CEP126: variants seen among roughly 807,000 people sequenced by gnomAD.
CEP126 encodes the protein centrosomal protein of 126 kDa.
A neutral mutation model predicts 107.8 loss-of-function variants in CEP126; 74 were observed. That is an observed-to-expected ratio of 0.69 (90% CI 0.57 to 0.83). The LOEUF (loss-of-function observed/expected upper bound fraction) is 0.83, where lower values mean the gene tolerates loss of function less well. CEP126 is among the 40% of genes least tolerant of loss of function. CEP126 has a pLI of 0.00. For missense variants in CEP126, 1,237 were observed against 1,281.9 expected, an observed-to-expected ratio of 0.96 and a Z score of 0.53; for synonymous variants, 449 against 446.0, an observed-to-expected ratio of 1.01 and a Z score of -0.08.
At chr11:101,932,420 C>T (rs1382269767) in intron 2 of CEP126, among the ~76,000 whole-genome samples, 1 of 152,050 alleles carries the variant, frequency 6.6e-6, no homozygotes, top group Non-Finnish European at 1.5e-5. Flanking sequence ...CATTTTAGCC[C>T]AGAAAACCTG....
At position 101,981,909 on chromosome 11, in the gene CEP126, G is replaced by A. The variant is rs769986818; in HGVS notation, c.2979G>A (p.Leu993=). Residue 993 remains leucine (L), a synonymous_variant, in exon 8 of 11, where the codon CTG becomes CTA. Coordinates refer to ENST00000263468, the MANE Select transcript of CEP126 (RefSeq NM_020802.4). ...EQINNFGQSV[L]LSSSEPKQTT... is the part of the protein sequence containing the mutation. ...TGTAGAATTTTGGACAAAGTGTCCT[G>A]CTAAGTTCAAGTGAGCCAAAACAAA... The A allele has an allele frequency of 2.5e-6, 4 of 1,588,478 alleles. No individual in the cohort carries two copies. The South Asian group carries it at 4.6e-5, about 18-fold the overall frequency.
At chr11:101,933,923 T>C (rs1203773234) in intron 2 of CEP126, among the ~76,000 whole-genome samples, 1 of 151,956 alleles carries the variant, frequency 6.6e-6, no homozygotes, top group Non-Finnish European at 1.5e-5. Context: ...GAAGTAATTT[T>C]TTCGGTATGT....
chr11:101,945,538 AAACT>A (rs1940722825), intron 3 of CEP126, among the ~76,000 whole-genome samples: 1 of 152,198 alleles, frequency 6.6e-6, no homozygotes, highest in African/African-American at 2.4e-5. Context: ...GCAGCTAGTA[AAACT>A]GCGCTAAATA....
chr11:101,956,039 G>C, intron 4 of CEP126: 1 of 456,404 alleles, frequency 2.2e-6, no homozygotes, highest in South Asian at 1.5e-5. Flanking sequence ...TCCAACCCCG[G>C]CTACTTCCAG....
At position 101,986,878 on chromosome 11, in the gene CEP126, A is replaced by C; in HGVS notation, c.3081A>C (p.Lys1027Asn). Residue 1027 changes from lysine (K) to asparagine (N), a missense_variant, in exon 9 of 11, where the codon AAA becomes AAC. Lys to Asn is a moderately conservative substitution (Grantham distance 94). This residue lies in a region of CEP126 where 99 missense variants were observed against 114.4 expected (regional missense o/e 0.87). Transcript: ENST00000263468. ...SEFLMAENLV[K>N]ASVPEDEILT... The stretch of plus-strand genomic sequence containing the variant: ...TTTTGATGGCTGAAAACTTAGTGAA[A>C]GCATCAGTGCCGGAGGATGAGATTC... 1 of 1,613,908 alleles carries C rather than the reference A, an allele frequency of 6.2e-7. No homozygotes were observed. Among genetic ancestry groups the C allele is most frequent in the Non-Finnish European group, 8.5e-7 (1 of 1,179,874 alleles).
chr11:101,982,780 C>T (rs960882468), intron 8 of CEP126, among the ~76,000 whole-genome samples: 1 of 152,028 alleles, frequency 6.6e-6, no homozygotes, highest in Non-Finnish European at 1.5e-5. Context: ...ATCCCTAATC[C>T]AAATATTTCA....
At chr11:101,961,286 T>C (rs143523739) in intron 5 of CEP126, among the ~76,000 whole-genome samples, 56 of 152,190 alleles carry the variant, frequency 3.7e-4, no homozygotes, top group African/African-American at 1.3e-3. Context: ...TAAAAAGATG[T>C]AGCCCCTACT....
At chr11:101,976,714 G>T (rs1241817986) in intron 6 of CEP126, among the ~76,000 whole-genome samples, 7 of 152,098 alleles carry the variant, frequency 4.6e-5, no homozygotes, top group African/African-American at 1.7e-4. Flanking sequence ...GACTCAAAGT[G>T]CCCTTTTATT....
chr11:101,948,106 A>T lies in CEP126; in HGVS notation c.470A>T (p.Asn157Ile). The change falls in exon 4 of 11, where the codon AAC (asparagine) becomes ATC (isoleucine). Residue 157 changes from asparagine (N) to isoleucine (I), a missense_variant. Asn to Ile is a moderately radical substitution (Grantham distance 149, BLOSUM62 -3). Around this residue, in one of 3 missense-constraint regions of CEP126, gnomAD observed 1,134 missense variants for 1,150.5 expected, o/e 0.99. Coordinates refer to ENST00000263468, the MANE Select transcript of CEP126 (RefSeq NM_020802.4). Reference sequence around the variant, plus strand: ...GAATCCAACTTAAAATCAGAAGTAAACCTTCCCTTTTCCCGTAGACCAACA... The same window carrying T: ...GAATCCAACTTAAAATCAGAAGTAATCCTTCCCTTTTCCCGTAGACCAACA... Reference protein sequence around the residue: ...IQESNLKSEVNLPFSRRPTIN... With the variant: ...IQESNLKSEVILPFSRRPTIN... 1 of 1,611,092 alleles carries T rather than the reference A, an allele frequency of 6.2e-7. No homozygotes were observed. Among genetic ancestry groups the T allele is most frequent in the Non-Finnish European group, 8.5e-7 (1 of 1,177,800 alleles).
intron 1 of CEP126, among the ~76,000 whole-genome samples, chr11:101,921,553 A>T (rs1591266680): frequency 1.3e-5 from 2 of 151,630 alleles, no homozygotes; most frequent in African/African-American, 4.8e-5. Flanking sequence ...CTGACAATAC[A>T]AAAATTGACT....
chr11:101,997,807 A>T lies in CEP126; in HGVS notation c.*164A>T. ...CAGTGAAGTTTAACAGAGCAGTGACATTTAACAAAGCAGTGAAGTTTAACA... is the reference window on the plus strand; with the variant it reads ...CAGTGAAGTTTAACAGAGCAGTGACTTTTAACAAAGCAGTGAAGTTTAACA... On this transcript the variant is annotated 3_prime_UTR_variant, in exon 11 of 11. Transcript: ENST00000263468. The T allele has an allele frequency of 1.1e-6, 1 of 877,612 alleles. No homozygotes were observed. Among genetic ancestry groups the T allele is most frequent in the Non-Finnish European group, 1.7e-6 (1 of 573,120 alleles). The allele number at this position is 877,612 out of a possible 1,614,324, so 54.4% of individuals were successfully genotyped here.
At chr11:101,974,269 A>AAG (rs1941167841) in intron 6 of CEP126, among the ~76,000 whole-genome samples, 1 of 152,208 alleles carries the variant, frequency 6.6e-6, no homozygotes, top group Non-Finnish European at 1.5e-5. Context: ...GTCATTTTAT[A>AAG]ATATATATTT....
intron 6 of CEP126, among the ~76,000 whole-genome samples, chr11:101,972,757 C>T (rs1034167426): frequency 3.3e-5 from 5 of 151,820 alleles, no homozygotes; most frequent in Admixed American, 1.3e-4. Context: ...GCCGAGATTG[C>T]GCCATTGCAC....
In CEP126 at chr11:101,962,182, T is replaced by A; in HGVS notation, c.1147T>A (p.Cys383Ser). 2.5e-6 allele frequency: 4 copies of A among 1,613,632 alleles called. No individual in the cohort carries two copies. The highest frequency in any genetic ancestry group is 3.4e-6 in the Non-Finnish European group (4 of 1,179,786). Residue 383 changes from cysteine to serine, a missense_variant, in exon 6 of 11, where the codon TGT becomes AGT. Cys to Ser is a moderately radical substitution (Grantham distance 112, BLOSUM62 -1). Coordinates refer to ENST00000263468, the MANE Select transcript of CEP126 (RefSeq NM_020802.4). Reference protein sequence around the residue: ...SPPMFVLDKKCEKTSETSTMR... With the variant: ...SPPMFVLDKKSEKTSETSTMR... ...ACCCATGTTTGTACTAGATAAAAAATGTGAAAAGACCTCTGAAACTAGCAC... is the reference window on the plus strand; with the variant it reads ...ACCCATGTTTGTACTAGATAAAAAAAGTGAAAAGACCTCTGAAACTAGCAC...
intron 2 of CEP126, among the ~76,000 whole-genome samples, chr11:101,942,147 C>T (rs1235393686): frequency 1.3e-5 from 2 of 151,968 alleles, no homozygotes; most frequent in Non-Finnish European, 2.9e-5. Flanking sequence ...TGAAGTTCAA[C>T]TTATCTATTT....
intron 6 of CEP126, among the ~76,000 whole-genome samples, chr11:101,964,450 G>A (rs1449181934): frequency 6.6e-6 from 1 of 151,202 alleles, no homozygotes; most frequent in African/African-American, 2.4e-5. Context: ...CCTGGCCAAC[G>A]TGACGAAACC....
At chr11:101,984,747 G>A (rs1445273000) in intron 8 of CEP126, among the ~76,000 whole-genome samples, 1 of 152,180 alleles carries the variant, frequency 6.6e-6, no homozygotes, top group Non-Finnish European at 1.5e-5. Flanking sequence ...GTCTCTGGAA[G>A]AAACATTTTT....
At chr11:101,993,575 T>C (rs1387264563) in intron 10 of CEP126, among the ~76,000 whole-genome samples, 2 of 152,204 alleles carry the variant, frequency 1.3e-5, no homozygotes, top group Admixed American at 1.3e-4. Flanking sequence ...TACCCGATAA[T>C]GGGATTGCTG....
Position 101,978,352 on chromosome 11 carries a change from A to G in CEP126, c.2851A>G (p.Thr951Ala), listed in dbSNP as rs1478355290. The G allele has an allele frequency of 6.8e-6, 11 of 1,608,116 alleles. No individual in the cohort carries two copies. The Admixed American group carries it at 1.5e-4, about 22-fold the overall frequency. ...TGTGCTGGCATTTGTTTAAGGGTCT[A>G]CTGTTATGAGAAGAAAACGAATTGC... ...LHQNKRATGS[T>A]VMRRKRIAET... is the part of the protein sequence containing the mutation. Residue 951 changes from threonine (T) to alanine (A), a missense_variant, in exon 7 of 11, where the codon ACT becomes GCT. Around this residue, in one of 3 missense-constraint regions of CEP126, gnomAD observed 1,134 missense variants for 1,150.5 expected, o/e 0.99. Transcript: ENST00000263468.
Sources: allele counts gnomAD v4.1 joint callset (sites outside exome capture counted in the v4.1 genomes callset), GRCh38; gene constraint gnomAD v4.1.1; regional missense constraint gnomAD v4.1.1; transcripts MANE v1.5; gene names NCBI Gene and HGNC (gene_info 2026-07-23, HGNC 2026-07-21).